HACD4: variants seen among roughly 807,000 people sequenced by gnomAD.
HACD4 encodes the protein 3-hydroxyacyl-CoA dehydratase 4, also known as very-long-chain (3R)-3-hydroxyacyl-CoA dehydratase 4.
HACD4 carries 35 observed loss-of-function variants against 33.3 expected under a neutral mutation model. The ratio of observed to expected loss-of-function variants is 1.05; its 90% CI spans 0.80 to 1.39. The LOEUF (loss-of-function observed/expected upper bound fraction) is 1.39. Among genes scored for constraint, HACD4 ranks in the 40% most tolerant of loss-of-function variants. HACD4 has a pLI of 0.00. For missense variants in HACD4, 323 were observed against 276.5 expected (o/e 1.17, Z -1.19); for synonymous variants, 118 against 98.0 (o/e 1.20, Z -1.21).
intron 4 of HACD4, among the ~76,000 whole-genome samples, chr9:21,014,308 C>G (rs1040839143): frequency 1.3e-5 from 2 of 152,136 alleles, no homozygotes; most frequent in Non-Finnish European, 2.9e-5. Context: ...CAGTAGAAAC[C>G]ACCCAAATGT....
chr9:21,015,983 C>T lies in HACD4; in HGVS notation c.298G>A (p.Val100Met). 3 of 1,609,616 alleles carry T rather than the reference C, an allele frequency of 1.9e-6. No individual in the cohort carries two copies. The highest frequency in any genetic ancestry group is 2.5e-6 in the Non-Finnish European group (3 of 1,177,506). Residue 100 changes from valine to methionine, a missense_variant, in exon 4 of 7, where the codon GTG (valine) becomes ATG (methionine). Val to Met is a conservative substitution (Grantham distance 21). Coordinates refer to ENST00000495827, the MANE Select transcript of HACD4 (RefSeq NM_001010915.5). ...ACTTCCTCTTGACTGGTGATCACCACAAAAAGGATGATTATTCTTTCTGTG... is the reference window on the plus strand; with the variant it reads ...ACTTCCTCTTGACTGGTGATCACCATAAAAAGGATGATTATTCTTTCTGTG... ...QLTERIIILF[V>M]VITSQEEVQE...
intron 1 of HACD4, 75 bp downstream of exon 1, chr9:21,031,478 G>T: frequency 7.6e-7 from 1 of 1,312,006 alleles, no homozygotes; most frequent in Non-Finnish European, 9.8e-7. Flanking sequence ...CCGCCCGCCC[G>T]CCGCAGAGGG....
chr9:21,019,058 C>T lies in HACD4; in HGVS notation c.271-3048G>A, dbSNP rs546520753. Among the ~76,000 whole-genome samples the T allele has an allele frequency of 6.6e-5, 10 of 152,156 alleles. No individual in the cohort carries two copies. The South Asian group carries it at 1.9e-3, about 28-fold the overall frequency. The stretch of plus-strand genomic sequence containing the variant: ...GAACTTTTCTGAGAACTTCAGAAAT[C>T]TATATATTCAAAAACTACCAATTAC... On this transcript the variant is annotated intron_variant, in intron 3 of 6. Coordinates refer to ENST00000495827, the MANE Select transcript of HACD4 (RefSeq NM_001010915.5).
rs1818227646 is a variant in HACD4, at chr9:21,031,613, C to T, written c.-23G>A. 1.4e-6 allele frequency: 2 copies of T among 1,412,770 alleles called. No individual in the cohort carries two copies. Among genetic ancestry groups the T allele is most frequent in the South Asian group, 3.0e-5 (2 of 67,000 alleles). 87.5% of individuals were successfully genotyped at this position (1,412,770 alleles called of 1,614,324 possible). On this transcript the variant is annotated 5_prime_UTR_variant, in exon 1 of 7. Coordinates refer to ENST00000495827, the MANE Select transcript of HACD4 (RefSeq NM_001010915.5). ...CATGGGCCGCCGCCGCCAGGGCTTC[C>T]AGCGCGGTCCAGGAAGGAGTACCGG...
Position 21,010,372 on chromosome 9 carries a change from T to C in HACD4, c.490+1217A>G, listed in dbSNP as rs148164594. Among the ~76,000 whole-genome samples the C allele has an allele frequency of 5.4e-5, 8 of 149,210 alleles. No homozygotes were observed. The East Asian group carries it at 1.6e-3, about 29-fold the overall frequency. On this transcript the variant is annotated intron_variant, in intron 5 of 6. Coordinates refer to ENST00000495827, the MANE Select transcript of HACD4 (RefSeq NM_001010915.5). ...ATATAATTAGCCTACTCATACTCAA[T>C]AATTCATTCTGTGTTCATTGAGCAT... is the stretch of plus-strand genomic sequence containing the variant.
chr9:21,006,986 G>T lies in HACD4; in HGVS notation c.*51C>A. The T allele has an allele frequency of 1.0e-6, 1 of 991,468 alleles. No homozygotes were observed. Among genetic ancestry groups the T allele is most frequent in the South Asian group, 1.3e-5 (1 of 78,548 alleles). 61.4% of individuals were successfully genotyped at this position (991,468 alleles called of 1,614,324 possible). A position where few individuals can be genotyped will look rare whatever the true frequency, so the allele number is the denominator to read the frequency against. On this transcript the variant is annotated 3_prime_UTR_variant, in exon 7 of 7. Transcript: ENST00000495827. This position sits in a 1 kb window ranked among gnomAD's most constrained non-coding sequence, Gnocchi z 4.6. ...GAATACTTCCTGTGTTTTATTTACT[G>T]CACTGAATCCACAGCCTGTCTTTTC...
At position 21,003,569 on chromosome 9, in the gene HACD4, A is replaced by T. The variant is rs1410580372; in HGVS notation, c.*3468T>A. 6.6e-6 allele frequency: 1 copy of T among 152,306 alleles called. No homozygotes were observed. The highest frequency in any genetic ancestry group is 1.9e-4 in the East Asian group (1 of 5,196). 9.4% of individuals were successfully genotyped at this position (152,306 alleles called of 1,614,324 possible). A position where few individuals can be genotyped will look rare whatever the true frequency, so the allele number is the denominator to read the frequency against. On this transcript the variant is annotated 3_prime_UTR_variant, in exon 7 of 7. Coordinates refer to ENST00000495827, the MANE Select transcript of HACD4 (RefSeq NM_001010915.5). Reference sequence around the variant, plus strand: ...ATTTATAAAGATTTCAAGTAGCCTAATACTCAATTGTTTCTTTCCAAATGT... The same window carrying T: ...ATTTATAAAGATTTCAAGTAGCCTATTACTCAATTGTTTCTTTCCAAATGT...
Position 21,002,218 on chromosome 9 carries a change from G to C in HACD4, c.*4819C>G, listed in dbSNP as rs1176437657. 6.6e-6 allele frequency: 1 copy of C among 151,838 alleles called. No individual in the cohort carries two copies. Among genetic ancestry groups the C allele is most frequent in the African/African-American group, 2.4e-5 (1 of 41,306 alleles). The allele number at this position is 151,838 out of a possible 1,614,324, so 9.4% of individuals were successfully genotyped here. ...GGTAACCACAAAGAAAACAGCTACA[G>C]AATATACACAAAAGAACTGAGAAAG... On this transcript the variant is annotated 3_prime_UTR_variant, in exon 7 of 7. Coordinates refer to ENST00000495827, the MANE Select transcript of HACD4 (RefSeq NM_001010915.5).
intron 2 of HACD4, among the ~76,000 whole-genome samples, chr9:21,028,203 C>T (rs1415770447): frequency 6.6e-6 from 1 of 150,442 alleles, no homozygotes; most frequent in East Asian, 1.9e-4. Context: ...TACTTGATGA[C>T]TAAGGCAACT....
intron 3 of HACD4, among the ~76,000 whole-genome samples, chr9:21,016,573 G>A (rs939229340): frequency 2.6e-5 from 4 of 152,128 alleles, no homozygotes; most frequent in African/African-American, 4.8e-5. Context: ...AGGCATCCTA[G>A]GCAAAGGGAG....
chr9:21,017,963 T>A (rs535847357), intron 3 of HACD4: 1 of 152,324 alleles, frequency 6.6e-6, no homozygotes, highest in Non-Finnish European at 1.5e-5. Flanking sequence ...TTGAAAATCA[T>A]CACTTCACTG....
rs1348067784 is a variant in HACD4 at position 21,029,323 on chromosome 9, C to T, written c.114G>A (p.Met38Ile). Reference protein sequence around the residue: ...FCGHSWIFTNMTVRFFSFGKD... With the variant: ...FCGHSWIFTNITVRFFSFGKD... ...TTCCAAATGAAAAGAATCTGACTGT[C>T]ATATTTGTAAATATCCAAGAGTGGC... The change falls in exon 2 of 7, where the codon ATG becomes ATA. Residue 38 changes from methionine (M) to isoleucine (I), a missense_variant. Coordinates refer to ENST00000495827, the MANE Select transcript of HACD4 (RefSeq NM_001010915.5). The T allele has an allele frequency of 4.4e-6, 7 of 1,592,464 alleles. No individual in the cohort carries two copies. Among genetic ancestry groups the T allele is most frequent in the Non-Finnish European group, 6.0e-6 (7 of 1,164,740 alleles).
intron 4 of HACD4, chr9:21,015,172 T>C (rs765281945): frequency 1.1e-4 from 17 of 152,356 alleles, no homozygotes; most frequent in South Asian, 6.2e-4. Flanking sequence ...AGTTAAGTTA[T>C]TGACAATATA....
chr9:21,022,508 AAG>A (rs768567929), intron 3 of HACD4, among the ~76,000 whole-genome samples: 12 of 151,984 alleles, frequency 7.9e-5, no homozygotes, highest in Non-Finnish European at 1.3e-4. Context: ...AGAATCTACA[AAG>A]AACAAATTTA....
chr9:21,030,555 ACTT>A (rs776765305), intron 1 of HACD4, among the ~76,000 whole-genome samples: 2 of 152,250 alleles, frequency 1.3e-5, no homozygotes, highest in Admixed American at 6.5e-5. Context: ...TAAGTGCAGA[ACTT>A]GAGACACAGT....
Position 21,029,100 on chromosome 9 carries a change from G to T in HACD4, c.142+195C>A, listed in dbSNP as rs954739057. 6.6e-5 allele frequency among the ~76,000 whole-genome samples: 10 copies of T among 152,296 alleles called. No individual in the cohort carries two copies. The East Asian group carries it at 1.5e-3, about 23-fold the overall frequency. On this transcript the variant is annotated intron_variant, in intron 2 of 6. Transcript: ENST00000495827. ...AGGCAAACTGCCAACTCAGGGGGAA[G>T]CCAAATCCCTTTCCCTTACTTATCC... is the stretch of plus-strand genomic sequence containing the variant.
chr9:21,025,049 G>A (rs1204128493), intron 3 of HACD4, among the ~76,000 whole-genome samples: 1 of 152,130 alleles, frequency 6.6e-6, no homozygotes, highest in Non-Finnish European at 1.5e-5. Flanking sequence ...CTATGTTGCT[G>A]TTGGGACAGA....
At chr9:21,030,769 G>C (rs115848137) in intron 1 of HACD4, among the ~76,000 whole-genome samples, 8 of 152,244 alleles carry the variant, frequency 5.3e-5, no homozygotes, top group African/African-American at 1.4e-4. Flanking sequence ...CATACCAGAA[G>C]AGGGAAGTCA....
At chr9:21,026,362 T>G (rs556672617) in intron 3 of HACD4, among the ~76,000 whole-genome samples, 2 of 152,342 alleles carry the variant, frequency 1.3e-5, no homozygotes, top group East Asian at 3.9e-4. Flanking sequence ...CCTTCCAGGA[T>G]AGGACCAATG....
Sources: gnomAD v4.1 joint callset for allele counts (sites outside exome capture counted in the v4.1 genomes callset) on GRCh38, gnomAD v4.1.1 for gene constraint, Gnocchi (gnomAD v3.1) non-coding constraint, MANE v1.5 for transcripts, NCBI Gene and HGNC (gene_info 2026-07-23, HGNC 2026-07-21) for gene names.